MYO5B: variants seen among roughly 807,000 people sequenced by gnomAD.
The protein encoded by MYO5B is unconventional myosin-Vb.
A neutral mutation model predicts 229.3 loss-of-function variants in MYO5B; 143 were observed. The ratio of observed to expected loss-of-function variants is 0.62; its 90% confidence interval spans 0.54 to 0.72. The LOEUF (loss-of-function observed/expected upper bound fraction) is 0.72. Ranked by LOEUF, MYO5B falls within the 30% of genes least tolerant of loss-of-function variation. The probability of loss-of-function intolerance (pLI) is 0.00; values close to 1 mark genes in which losing one functional copy is unlikely to be tolerated. For missense variants in MYO5B, 2,321 were observed against 2,331.0 expected, an observed-to-expected ratio of 1.00 and a Z score of 0.09; for synonymous variants, 918 against 885.2, an observed-to-expected ratio of 1.04 and a Z score of -0.66.
chr18:49,945,536 G>A (rs953690760), intron 14 of MYO5B, among the ~76,000 whole-genome samples: 1 of 151,880 alleles, frequency 6.6e-6, no homozygotes, highest in Non-Finnish European at 1.5e-5. Context: ...TACAGTCACC[G>A]AAAGCGTGAG....
At chr18:50,030,312 A>G (rs1487457419) in intron 4 of MYO5B, among the ~76,000 whole-genome samples, 3 of 148,868 alleles carry the variant, frequency 2.0e-5, no homozygotes, top group African/African-American at 7.3e-5. Flanking sequence ...TATTTCCACA[A>G]TCAGGAATTT....
intron 14 of MYO5B, among the ~76,000 whole-genome samples, chr18:49,951,446 C>A (rs755803934): frequency 1.3e-5 from 2 of 152,112 alleles, no homozygotes; most frequent in East Asian, 3.9e-4. Flanking sequence ...ATGAGATTAA[C>A]TACATGTGTC....
At chr18:50,107,044 T>C (rs895248443) in intron 1 of MYO5B, among the ~76,000 whole-genome samples, 1 of 151,014 alleles carries the variant, frequency 6.6e-6, no homozygotes, top group Non-Finnish European at 1.5e-5. Flanking sequence ...GCCCTGACTC[T>C]GAATCATGGG....
intron 7 of MYO5B, 115 bp from the exon 8 acceptor site, chr18:49,984,940 C>T (rs2025855547): frequency 1.3e-6 from 1 of 764,994 alleles, no homozygotes; most frequent in Non-Finnish European, 2.3e-6. Flanking sequence ...ATTTTAGGCC[C>T]AGCTGGATGT....
At chr18:50,028,372 A>T (rs2026353528) in intron 4 of MYO5B, among the ~76,000 whole-genome samples, 1 of 152,190 alleles carries the variant, frequency 6.6e-6, no homozygotes, top group Admixed American at 6.5e-5. Flanking sequence ...TCATCACGTC[A>T]CATTCTGCAG....
intron 33 of MYO5B, among the ~76,000 whole-genome samples, chr18:49,844,977 T>C (rs1021597078): frequency 5.9e-5 from 9 of 152,134 alleles, no homozygotes; most frequent in African/African-American, 2.2e-4. Context: ...TTTGTTTGGA[T>C]GGGGTCTTTT....
chr18:49,929,263 A>G (rs1268988668), intron 17 of MYO5B, among the ~76,000 whole-genome samples: 2 of 152,204 alleles, frequency 1.3e-5, no homozygotes, highest in South Asian at 2.1e-4. Context: ...TTAGACCAAC[A>G]CCAAAAATCT....
intron 1 of MYO5B, among the ~76,000 whole-genome samples, chr18:50,143,289 T>C (rs958097253): frequency 2.0e-5 from 3 of 152,192 alleles, no homozygotes; most frequent in Non-Finnish European, 4.4e-5. Flanking sequence ...GGAAAGGATG[T>C]TATCTGTTTG....
chr18:50,140,765 T>C (rs1371856519), intron 1 of MYO5B, among the ~76,000 whole-genome samples: 1 of 152,242 alleles, frequency 6.6e-6, no homozygotes, highest in Admixed American at 6.5e-5. Flanking sequence ...GCCTCACTTC[T>C]AACACCAACT....
At chr18:50,039,574 G>C (rs1006294875) in intron 3 of MYO5B, among the ~76,000 whole-genome samples, 1 of 152,070 alleles carries the variant, frequency 6.6e-6, no homozygotes, top group African/African-American at 2.4e-5. Flanking sequence ...CTCGTGATCC[G>C]CCCGCCTCGG....
Position 50,057,120 on chromosome 18 carries a change from CCTT to C in MYO5B, c.28-1745_28-1743del, listed in dbSNP as rs1159711481. On this transcript the variant is annotated intron_variant, in intron 1 of 39. Transcript: ENST00000285039. ...TGTTCTGAGGTACCTCCAGAGAAAA[CCTT>C]CTGAGCATTTGCTGATCTTAACTGT... 2.0e-5 allele frequency among the ~76,000 whole-genome samples: 3 copies of C among 152,312 alleles called. No homozygotes were observed. In the East Asian group the frequency reaches 5.8e-4, roughly 29 times the overall value.
intron 1 of MYO5B, among the ~76,000 whole-genome samples, chr18:50,096,325 T>G (rs2031549608): frequency 6.6e-6 from 1 of 152,130 alleles, no homozygotes; most frequent in Admixed American, 6.5e-5. Context: ...CAACATCTGC[T>G]TCTCACACCA....
At position 49,937,291 on chromosome 18, in the gene MYO5B, G is replaced by C; in HGVS notation, c.1859C>G (p.Pro620Arg). 1 of 1,614,142 alleles carries C rather than the reference G, an allele frequency of 6.2e-7. No individual in the cohort carries two copies. The highest frequency in any genetic ancestry group is 8.5e-7 in the Non-Finnish European group (1 of 1,180,018). Residue 620 changes from proline (P) to arginine (R), a missense_variant, in exon 15 of 40, where the codon CCC becomes CGC. Pro to Arg is a moderately radical substitution (Grantham distance 103). Transcript: ENST00000285039. ...GTGCTCCTTGTTGGAGACTTTCATG[G>C]GGGGTCTGGCAGAACGGACGCTGAT... ...SKISVRSARP[P>R]MKVSNKEHKK...
intron 1 of MYO5B, among the ~76,000 whole-genome samples, chr18:50,182,050 T>C (rs2033080763): frequency 6.6e-6 from 1 of 152,226 alleles, no homozygotes; most frequent in Admixed American, 6.5e-5. Flanking sequence ...AAGCCTACTT[T>C]TGCCAGGGTG....
Position 49,905,338 on chromosome 18 carries a change from C to T in MYO5B, c.2415-510G>A, listed in dbSNP as rs530860006. On this transcript the variant is annotated intron_variant, in intron 19 of 39. Coordinates refer to ENST00000285039, the MANE Select transcript of MYO5B (RefSeq NM_001080467.3). ...ATCTCTGTTTCCTTTATCTCCTCAACCCTTTCTGCTCGGGATGCATGGAAT... is the reference window on the plus strand; with the variant it reads ...ATCTCTGTTTCCTTTATCTCCTCAATCCTTTCTGCTCGGGATGCATGGAAT... Among the ~76,000 whole-genome samples, 3 of 152,274 alleles carry T rather than the reference C, an allele frequency of 2.0e-5. No individual in the cohort carries two copies. In the South Asian group the frequency reaches 6.2e-4, roughly 32 times the overall value.
chr18:49,875,635 A>G, intron 26 of MYO5B, 52 bp downstream of exon 26: 1 of 1,611,544 alleles, frequency 6.2e-7, no homozygotes, highest in Non-Finnish European at 8.5e-7. Context: ...CACAAGAGCT[A>G]GATTGTTCTC....
chr18:49,856,950 G>T, intron 29 of MYO5B, 60 bp from the exon 30 acceptor site: 1 of 1,420,788 alleles, frequency 7.0e-7, no homozygotes, highest in Non-Finnish European at 9.9e-7. Flanking sequence ...CAGGCAGGCA[G>T]GGAGTCCTGG....
chr18:49,936,620 CA>C (rs1484509011), intron 15 of MYO5B, among the ~76,000 whole-genome samples: 1 of 152,074 alleles, frequency 6.6e-6, no homozygotes, highest in Non-Finnish European at 1.5e-5. Context: ...TGCTGTGGAT[CA>C]AATAAGATGA....
intron 1 of MYO5B, among the ~76,000 whole-genome samples, chr18:50,119,167 G>C (rs578137626): frequency 1.1e-3 from 167 of 152,348 alleles, no homozygotes; most frequent in South Asian, 4.6e-3. Flanking sequence ...CTGCAGATCT[G>C]AGGTGGGGCC....
Sources: allele counts gnomAD v4.1 joint callset (sites outside exome capture counted in the v4.1 genomes callset), GRCh38; gene constraint gnomAD v4.1.1; transcripts MANE v1.5; gene names NCBI Gene and HGNC (gene_info 2026-07-23, HGNC 2026-07-21).